The following TNS3 variants were observed in gnomAD, a reference collection of about 807,000 sequenced individuals.
TNS3 encodes tensin-3.
In TNS3, 45 loss-of-function variants were observed where a neutral mutation model predicts 140.9. That is an observed-to-expected ratio of 0.32 (90% CI 0.25 to 0.41). The LOEUF (loss-of-function observed/expected upper bound fraction) is 0.41, where lower values mean the gene tolerates loss of function less well. Among genes scored for constraint, TNS3 ranks in the 10% least tolerant of loss-of-function variants. The pLI is 1.00. For synonymous variants in TNS3, 815 were observed against 788.4 expected (o/e 1.03, Z -0.56); for missense variants, 1,716 against 1,906.7 (o/e 0.90, Z 1.86).
rs768940417 is a variant in TNS3 at position 47,368,805 on chromosome 7, C to T, written c.1841G>A (p.Arg614His). 26 of 1,608,518 alleles carry T rather than the reference C, an allele frequency of 1.6e-5. No individual in the cohort carries two copies. In the East Asian group the frequency reaches 4.0e-4, roughly 25 times the overall value. The change falls in exon 17 of 31, where the codon CGC (arginine) becomes CAC (histidine). Residue 614 changes from arginine (R) to histidine (H), a missense_variant. Coordinates refer to ENST00000311160, the MANE Select transcript of TNS3 (RefSeq NM_022748.12). Reference protein sequence around the residue: ...APDGEARLVSRCPADNPGLVQ... With the variant: ...APDGEARLVSHCPADNPGLVQ... ...GAGGCCAGGATTGTCTGCAGGGCAGCGGCTCACCAGCCGGGCCTCCCCATC... is the reference window on the plus strand; with the variant it reads ...GAGGCCAGGATTGTCTGCAGGGCAGTGGCTCACCAGCCGGGCCTCCCCATC...
intron 20 of TNS3, among the ~76,000 whole-genome samples, chr7:47,336,950 G>A (rs766588846): frequency 1.7e-4 from 26 of 151,992 alleles, no homozygotes; most frequent in Non-Finnish European, 3.5e-4. Flanking sequence ...CTCAACATTG[G>A]CCTTCCACGT....
At chr7:47,474,368 TCA>T (rs1207307758) in intron 4 of TNS3, among the ~76,000 whole-genome samples, 1 of 121,722 alleles carries the variant, frequency 8.2e-6, no homozygotes, top group Non-Finnish European at 1.7e-5. Flanking sequence ...ACAAAACACT[TCA>T]CACACAACAC....
At chr7:47,375,340 G>A (rs1396979588) in intron 16 of TNS3, among the ~76,000 whole-genome samples, 2 of 152,192 alleles carry the variant, frequency 1.3e-5, no homozygotes, top group East Asian at 3.9e-4. Flanking sequence ...TCCACTGTCT[G>A]GCAACGATTT....
chr7:47,565,494 G>T (rs1800410184), intron 1 of TNS3, among the ~76,000 whole-genome samples: 1 of 151,862 alleles, frequency 6.6e-6, no homozygotes, highest in African/African-American at 2.4e-5. Flanking sequence ...AGCTTCCCGA[G>T]TAGCTGGAAC....
rs1423118272 is a variant in TNS3, at chr7:47,524,808, CAAGAAAAA to C, written c.-153+4220_-153+4227del. Among the ~76,000 whole-genome samples, 20 of 25,262 alleles carry C rather than the reference CAAGAAAAA, an allele frequency of 7.9e-4. 1 individual carries two copies. Among genetic ancestry groups the C allele is most frequent in the East Asian group, 1.6e-3 (1 of 624 alleles). 16.6% of individuals were successfully genotyped at this position (25,262 alleles called of 152,430 possible). On this transcript the variant is annotated intron_variant, in intron 2 of 30. Coordinates refer to ENST00000311160, the MANE Select transcript of TNS3 (RefSeq NM_022748.12). ...TGGGCGACAGAGCGAGACTCCGTCT[CAAGAAAAA>C]AAAAAAAAAAAAAAAAAAAAGGCAA...
intron 18 of TNS3, 150 bp downstream of exon 18, chr7:47,346,037 A>G: frequency 9.3e-7 from 1 of 1,080,242 alleles, no homozygotes; most frequent in Non-Finnish European, 1.3e-6. Flanking sequence ...CCACGACCAT[A>G]TTTGTGAAAC....
intron 18 of TNS3, 99 bp from the exon 19 acceptor site, chr7:47,345,137 C>A: frequency 2.3e-6 from 2 of 857,298 alleles, no homozygotes; most frequent in South Asian, 1.5e-5. Flanking sequence ...GCCCACTGAG[C>A]AAACCCCTCC....
chr7:47,541,948 CAA>C (rs11314197), intron 1 of TNS3, among the ~76,000 whole-genome samples: 3 of 130,994 alleles, frequency 2.3e-5, no homozygotes, highest in Admixed American at 7.6e-5. Flanking sequence ...GACTCCATCT[CAA>C]AAAAAAAAAA....
chr7:47,460,823 G>A (rs1214629001), intron 4 of TNS3, among the ~76,000 whole-genome samples: 1 of 152,016 alleles, frequency 6.6e-6, no homozygotes, highest in Non-Finnish European at 1.5e-5. Flanking sequence ...ATTGAAGGAG[G>A]AGGAACAGCA....
intron 9 of TNS3, among the ~76,000 whole-genome samples, chr7:47,427,352 T>C (rs1003737885): frequency 5.3e-5 from 8 of 152,166 alleles, no homozygotes; most frequent in African/African-American, 1.7e-4. Flanking sequence ...AACTCCTCAG[T>C]TGGTTTCCAG....
intron 16 of TNS3, among the ~76,000 whole-genome samples, chr7:47,393,014 T>C (rs1792619115): frequency 6.6e-6 from 1 of 152,170 alleles, no homozygotes; most frequent in Non-Finnish European, 1.5e-5. Flanking sequence ...TCTAAGGGAA[T>C]CCAGTGTGCT....
intron 4 of TNS3, among the ~76,000 whole-genome samples, chr7:47,454,797 C>T (rs1281130371): frequency 1.3e-5 from 2 of 152,166 alleles, no homozygotes; most frequent in Admixed American, 1.3e-4. Context: ...CATCCATAGG[C>T]GAGCAAGTTA....
At chr7:47,321,806 A>G (rs935999421) in intron 20 of TNS3, among the ~76,000 whole-genome samples, 2 of 152,140 alleles carry the variant, frequency 1.3e-5, no homozygotes, top group African/African-American at 2.4e-5. Flanking sequence ...TTTACTCTAC[A>G]TTGTTTTCTT....
chr7:47,294,132 A>G (rs1785869825), intron 24 of TNS3, among the ~76,000 whole-genome samples: 1 of 152,202 alleles, frequency 6.6e-6, no homozygotes, highest in South Asian at 2.1e-4. Flanking sequence ...TCCCCAACGA[A>G]GGGAATGAGC....
At chr7:47,461,308 C>A (rs1187709162) in intron 4 of TNS3, among the ~76,000 whole-genome samples, 2 of 152,220 alleles carry the variant, frequency 1.3e-5, no homozygotes, top group African/African-American at 2.4e-5. Context: ...TGAGGTCACT[C>A]CAAAACCACC....
In TNS3 at chr7:47,478,079, G is replaced by A. The variant is rs1057269780; in HGVS notation, c.-76+3024C>T. 5.9e-5 allele frequency among the ~76,000 whole-genome samples: 9 copies of A among 152,314 alleles called. No individual in the cohort carries two copies. The East Asian group carries it at 9.6e-4, about 16-fold the overall frequency. On this transcript the variant is annotated intron_variant, in intron 4 of 30. Coordinates refer to ENST00000311160, the MANE Select transcript of TNS3 (RefSeq NM_022748.12). ...TCATGACCCCACACCACCACACGGG[G>A]AGAGCAGCCCAGAAAGGCAGGCATT...
chr7:47,354,991 C>A (rs1584468158), intron 17 of TNS3, among the ~76,000 whole-genome samples: 1 of 152,280 alleles, frequency 6.6e-6, no homozygotes, highest in East Asian at 1.9e-4. Context: ...GCCTCGGGAA[C>A]CACGTGACCT....
At chr7:47,322,728 G>A (rs974141568) in intron 20 of TNS3, among the ~76,000 whole-genome samples, 4 of 152,136 alleles carry the variant, frequency 2.6e-5, no homozygotes, top group East Asian at 3.9e-4. Flanking sequence ...ACCATGAGTC[G>A]AGTGCAGTGC....
At chr7:47,582,236 G>C, upstream of TNS3, 1 of 220,740 alleles carries the variant, frequency 4.5e-6, no homozygotes, top group South Asian at 4.4e-5. Flanking sequence ...CGGGTCACCT[G>C]GCCTCATCAC....
Sources: gnomAD v4.1 joint callset for allele counts (sites outside exome capture counted in the v4.1 genomes callset) on GRCh38, gnomAD v4.1.1 for gene constraint, MANE v1.5 for transcripts, NCBI Gene and HGNC (gene_info 2026-07-23, HGNC 2026-07-21) for gene names.